The following WDR20 variants were observed in gnomAD, a reference collection of about 807,000 sequenced individuals.
WDR20 encodes the protein WD repeat domain 20, also known as WD repeat-containing protein 20.
In WDR20, 3 loss-of-function variants were observed where a neutral mutation model predicts 38.7. That is an observed-to-expected ratio of 0.08 (90% CI 0.04 to 0.20). The LOEUF is 0.20. Among genes scored for constraint, WDR20 ranks in the 10% least tolerant of loss-of-function variants. The pLI is 1.00. For missense variants in WDR20, 559 were observed against 727.7 expected, an observed-to-expected ratio of 0.77 and a Z score of 2.67; for synonymous variants, 298 against 285.6, an observed-to-expected ratio of 1.04 and a Z score of -0.44.
chr14:102,149,122 A>G (rs970818670), intron 1 of WDR20, among the ~76,000 whole-genome samples: 4 of 152,170 alleles, frequency 2.6e-5, no homozygotes, highest in Non-Finnish European at 4.4e-5. Flanking sequence ...AGATCGTGCC[A>G]CTGCACTCCA....
chr14:102,174,350 A>G (rs894394953), intron 1 of WDR20, among the ~76,000 whole-genome samples: 3 of 152,174 alleles, frequency 2.0e-5, no homozygotes, highest in African/African-American at 7.2e-5. Flanking sequence ...ACTAGTTTAC[A>G]TTCCCACCAG....
intron 1 of WDR20, among the ~76,000 whole-genome samples, chr14:102,189,007 G>A (rs770090500): frequency 1.3e-5 from 2 of 151,674 alleles, no homozygotes; most frequent in African/African-American, 2.4e-5. Context: ...ATGTCAGTTC[G>A]AGACCAGCCT....
intron 1 of WDR20, among the ~76,000 whole-genome samples, chr14:102,188,360 G>A (rs1252728846): frequency 1.3e-5 from 2 of 152,128 alleles, no homozygotes; most frequent in South Asian, 2.1e-4. Flanking sequence ...CCCCTCTCGG[G>A]TTCAAGTCCT....
At chr14:102,159,408 A>C (rs2152762163) in intron 1 of WDR20, among the ~76,000 whole-genome samples, 1 of 152,310 alleles carries the variant, frequency 6.6e-6, no homozygotes, top group African/African-American at 2.4e-5. Context: ...GCCTGTTGGA[A>C]GTGCAGAATA....
At position 102,153,782 on chromosome 14, in the gene WDR20, C is replaced by G. The variant is rs118067952; in HGVS notation, c.249+13610C>G. Among the ~76,000 whole-genome samples, 802 of 152,290 alleles carry G rather than the reference C, an allele frequency of 5.3e-3. 21 individuals are homozygous for G. The highest frequency in any genetic ancestry group is 0.036 in the East Asian group (188 of 5,176). On this transcript the variant is annotated intron_variant, in intron 1 of 2. Transcript: ENST00000342702. ...CCTCCCTTATTTTATGCATTGCTGG[C>G]TCCTTCTTGCTGTTTAGATCACAGC...
chr14:102,192,640 G>A (rs2058705330), intron 1 of WDR20, among the ~76,000 whole-genome samples: 1 of 152,116 alleles, frequency 6.6e-6, no homozygotes, highest in African/African-American at 2.4e-5. Flanking sequence ...CTAAACTGGT[G>A]GCAGTACTTG....
intron 1 of WDR20, among the ~76,000 whole-genome samples, chr14:102,151,382 T>G (rs1017423117): frequency 2.0e-5 from 3 of 151,922 alleles, no homozygotes; most frequent in African/African-American, 4.8e-5. Flanking sequence ...TAGGAGGTGT[T>G]TTTTTGTTTT....
downstream of WDR20, chr14:102,212,570 A>G (rs1361189482): frequency 1.3e-6 from 2 of 1,535,916 alleles, no homozygotes; most frequent in Non-Finnish European, 1.7e-6. Flanking sequence ...GTGTTCTCCA[A>G]GACCAGAACT....
chr14:102,171,400 A>G (rs2060802541), intron 1 of WDR20: 1 of 151,332 alleles, frequency 6.6e-6, no homozygotes, highest in Non-Finnish European at 1.5e-5. Context: ...AGTAGCTGGG[A>G]CTACAGGCAT....
chr14:102,157,933 C>T (rs554625849), intron 1 of WDR20, among the ~76,000 whole-genome samples: 1 of 151,906 alleles, frequency 6.6e-6, no homozygotes, highest in South Asian at 2.1e-4. Context: ...AAGTAATGTA[C>T]TACATTAGTG....
chr14:102,161,936 TA>T (rs2058836176), intron 1 of WDR20, among the ~76,000 whole-genome samples: 2 of 152,198 alleles, frequency 1.3e-5, no homozygotes, highest in African/African-American at 4.8e-5. Flanking sequence ...CAAATTGGAT[TA>T]ACCAGCCCAT....
chr14:102,211,291 A>G (rs2062493524), downstream of WDR20, among the ~76,000 whole-genome samples: 1 of 152,244 alleles, frequency 6.6e-6, no homozygotes, highest in Admixed American at 6.5e-5. This position sits in a 1 kb window ranked among gnomAD's most constrained non-coding sequence, Gnocchi z 4.2. Context: ...AATATGATTC[A>G]GCAAAGTGAA....
chr14:102,224,586 T>C (rs1035497793), downstream of WDR20: 5 of 456,002 alleles, frequency 1.1e-5, no homozygotes, highest in African/African-American at 6.0e-5. Context: ...ATTGGGGGCA[T>C]GTCTTTACTT....
At chr14:102,173,098 GT>G (rs1367045131) in intron 1 of WDR20, among the ~76,000 whole-genome samples, 1 of 151,692 alleles carries the variant, frequency 6.6e-6, no homozygotes, top group Non-Finnish European at 1.5e-5. Flanking sequence ...GGGATGGCCT[GT>G]TTTTTATTTT....
At position 102,220,502 on chromosome 14, in the gene WDR20, T is replaced by A. The variant is rs981323006; in HGVS notation, c.1693-2328T>A. Among the ~76,000 whole-genome samples the A allele has an allele frequency of 5.9e-5, 9 of 152,178 alleles. No individual in the cohort carries two copies. Among genetic ancestry groups the A allele is most frequent in the Non-Finnish European group, 1.0e-4 (7 of 68,030 alleles). On this transcript the variant is annotated intron_variant, in intron 3 of 3. Transcript: ENST00000335263. The surrounding 1 kb of genome is among the most constrained non-coding windows in gnomAD (Gnocchi z 4.2). ...ACTTTGGGAGGCCAAGGCAGGTGGA[T>A]CACGAGGTCAGGAGGTCTTCAAGAC...
chr14:102,165,905 G>C (rs1228010144), intron 1 of WDR20, among the ~76,000 whole-genome samples: 2 of 151,684 alleles, frequency 1.3e-5, no homozygotes, highest in African/African-American at 4.8e-5. Flanking sequence ...CTCCTGAAGT[G>C]CTGGGATTAC....
At chr14:102,213,051 GGT>G, downstream of WDR20, 1 of 989,650 alleles carries the variant, frequency 1.0e-6, no homozygotes, top group Non-Finnish European at 1.2e-6. Context: ...GTCCCTGGGC[GGT>G]GTCAGACACC....
intron 1 of WDR20, among the ~76,000 whole-genome samples, chr14:102,170,343 T>C (rs1326814881): frequency 6.6e-6 from 1 of 152,222 alleles, no homozygotes; most frequent in East Asian, 1.9e-4. Flanking sequence ...GAGGAATAAA[T>C]TCCTGTGAGG....
At chr14:102,174,312 T>G (rs1391510027) in intron 1 of WDR20, among the ~76,000 whole-genome samples, 1 of 152,162 alleles carries the variant, frequency 6.6e-6, no homozygotes, top group East Asian at 1.9e-4. Context: ...CTTTAAGGAA[T>G]CTCCATGCTG....
Sources: gnomAD v4.1 joint callset for allele counts (sites outside exome capture counted in the v4.1 genomes callset) on GRCh38, gnomAD v4.1.1 for gene constraint, Gnocchi (gnomAD v3.1) non-coding constraint, MANE v1.5 for transcripts, NCBI Gene and HGNC (gene_info 2026-07-23, HGNC 2026-07-21) for gene names.